Variants in HK1 observed in about 807,000 individuals in gnomAD.
The protein encoded by HK1 is hexokinase 1, also known as hexokinase-1.
A neutral mutation model predicts 91.6 loss-of-function variants in HK1; 28 were observed. That is an observed-to-expected ratio of 0.31 (90% CI 0.23 to 0.42). The LOEUF (loss-of-function observed/expected upper bound fraction) is 0.42. Among genes scored for constraint, HK1 ranks in the 10% least tolerant of loss-of-function variants. The probability of loss-of-function intolerance (pLI) is 1.00; values close to 1 mark genes in which losing one functional copy is unlikely to be tolerated. For missense variants in HK1, 770 were observed against 1,219.8 expected, an observed-to-expected ratio of 0.63 and a Z score of 5.49; for synonymous variants, 430 against 468.1, an observed-to-expected ratio of 0.92 and a Z score of 1.05.
intron 4 of HK1, 148 bp downstream of exon 4, chr10:69,365,050 G>A: frequency 2.4e-6 from 2 of 826,244 alleles, no homozygotes; most frequent in Non-Finnish European, 2.0e-6. Context: ...AGTTAGTGTG[G>A]TATCATGATA....
At chr10:69,271,251 TG>T (rs1844145676) in intron 1 of HK1, among the ~76,000 whole-genome samples, 1 of 152,184 alleles carries the variant, frequency 6.6e-6, no homozygotes, top group African/African-American at 2.4e-5. Flanking sequence ...TGTGTGTGCA[TG>T]TACCATGTAC....
At chr10:69,384,312 T>G (rs1298545101) in intron 10 of HK1, 21 bp from the exon 11 acceptor site, 1 of 1,614,122 alleles carries the variant, frequency 6.2e-7, no homozygotes, top group Non-Finnish European at 8.5e-7. Context: ...TTGACATTCT[T>G]TACGCTTTTG....
intron 7 of HK1, among the ~76,000 whole-genome samples, chr10:69,375,066 T>G (rs2132844942): frequency 6.6e-6 from 1 of 152,300 alleles, no homozygotes; most frequent in East Asian, 1.9e-4. Context: ...TTGCCACTTG[T>G]TAGCCCTGTC....
At chr10:69,331,126 C>A (rs1053044991) in intron 1 of HK1, among the ~76,000 whole-genome samples, 10 of 152,160 alleles carry the variant, frequency 6.6e-5, no homozygotes, top group Admixed American at 1.3e-4. Context: ...GTGATCTGCC[C>A]GCCTCGGCCT....
Position 69,334,860 on chromosome 10 carries a change from G to A in HK1, c.64-8967G>A, listed in dbSNP as rs551327736. Among the ~76,000 whole-genome samples, 6 of 152,340 alleles carry A rather than the reference G, an allele frequency of 3.9e-5. No homozygotes were observed. In the East Asian group the frequency reaches 9.6e-4, roughly 24 times the overall value. Reference sequence around the variant, plus strand: ...ACATAGTGAACACCTAAGGCCGAGGGGATGCTGAGGAGAGGAGTGGACGGT... The same window carrying A: ...ACATAGTGAACACCTAAGGCCGAGGAGATGCTGAGGAGAGGAGTGGACGGT... On this transcript the variant is annotated intron_variant, in intron 1 of 17. Coordinates refer to ENST00000359426, the MANE Select transcript of HK1 (RefSeq NM_000188.3).
chr10:69,318,262 AG>A (rs1681850827), upstream of HK1: 1 of 981,126 alleles, frequency 1.0e-6, no homozygotes, highest in South Asian at 4.7e-5. Flanking sequence ...GGCCTGGGTG[AG>A]GAAGGCGCGG....
At position 69,362,434 on chromosome 10, in the gene HK1, GTT is replaced by G. The variant is rs34834335; in HGVS notation, c.376-2333_376-2332del. 4.1e-3 allele frequency among the ~76,000 whole-genome samples: 551 copies of G among 135,456 alleles called. 2 individuals carry two copies. The highest frequency in any genetic ancestry group is 0.013 in the African/African-American group (504 of 38,358). The allele number at this position is 135,456 out of a possible 152,430, so 88.9% of individuals were successfully genotyped here. A position where few individuals can be genotyped will look rare whatever the true frequency, so the allele number is the denominator to read the frequency against. ...TTGTCAGGCAAGAAGAGAAAATAAT[GTT>G]TTTTTTTTTTTTTTTAAGACACTAA... On this transcript the variant is annotated intron_variant, in intron 3 of 17. Coordinates refer to ENST00000359426, the MANE Select transcript of HK1 (RefSeq NM_000188.3).
upstream of HK1, among the ~76,000 whole-genome samples, chr10:69,314,634 T>TCTTTC (rs1846545648): frequency 6.6e-6 from 1 of 151,864 alleles, no homozygotes; most frequent in African/African-American, 2.4e-5. Flanking sequence ...TTCTTTTTCT[T>TCTTTC]CTTTCCTTTT....
chr10:69,395,503 A>C (rs1286606793), intron 16 of HK1, among the ~76,000 whole-genome samples: 3 of 152,184 alleles, frequency 2.0e-5, no homozygotes, highest in Admixed American at 2.0e-4. Flanking sequence ...ACTTGAACCC[A>C]GGAGGTGGAG....
At chr10:69,271,782 A>G (rs900438608) in intron 1 of HK1, among the ~76,000 whole-genome samples, 1 of 151,948 alleles carries the variant, frequency 6.6e-6, no homozygotes, top group Admixed American at 6.6e-5. Flanking sequence ...CGGCCTGACA[A>G]TTTTGAAGTC....
At chr10:69,298,175 C>T (rs1247357678) in intron 4 of HK1, among the ~76,000 whole-genome samples, 1 of 151,446 alleles carries the variant, frequency 6.6e-6, no homozygotes, top group Non-Finnish European at 1.5e-5. Flanking sequence ...CATGCCATTG[C>T]ACTCCAGCCT....
Position 69,288,747 on chromosome 10 carries a change from G to A in HK1, c.-138G>A, listed in dbSNP as rs766565453. 1.1e-5 allele frequency: 18 copies of A among 1,613,786 alleles called. No homozygotes were observed. The highest frequency in any genetic ancestry group is 1.6e-4 in the Middle Eastern group (1 of 6,062). On this transcript the variant is annotated 5_prime_UTR_variant, in exon 3 of 22. Coordinates refer to the HK1 transcript ENST00000360289. ...GTCAGCAAGTGCCCTCCCCACAATGGGGCAGATCTGCCAGCGAGAATCGGT... is the reference window on the plus strand; with the variant it reads ...GTCAGCAAGTGCCCTCCCCACAATGAGGCAGATCTGCCAGCGAGAATCGGT...
chr10:69,353,079 G>A (rs2132725820), intron 2 of HK1, among the ~76,000 whole-genome samples: 2 of 152,192 alleles, frequency 1.3e-5, no homozygotes, highest in African/African-American at 4.8e-5. Context: ...GGAATTTCTT[G>A]GGTGATAGGA....
At position 69,380,087 on chromosome 10, in the gene HK1, G is replaced by T; in HGVS notation, c.1257G>T (p.Thr419=). Reference sequence around the variant, plus strand: ...GTGTCGACGGATCTCTTTACAAGACGCACCCACAGTGAGTCTGCCCTTTGC... The same window carrying T: ...GTGTCGACGGATCTCTTTACAAGACTCACCCACAGTGAGTCTGCCCTTTGC... ...TVGVDGSLYK[T]HPQYSRRFHK... Residue 419 remains threonine, a synonymous_variant, in exon 9 of 18, where the codon ACG becomes ACT. Transcript: ENST00000359426. The surrounding 1 kb of genome is among the most constrained non-coding windows in gnomAD (Gnocchi z 4.0). 1 of 1,611,176 alleles carries T rather than the reference G, an allele frequency of 6.2e-7. No individual in the cohort carries two copies. The highest frequency in any genetic ancestry group is 8.5e-7 in the Non-Finnish European group (1 of 1,177,310).
At chr10:69,367,125 G>A (rs770099524) in intron 4 of HK1, among the ~76,000 whole-genome samples, 4 of 152,196 alleles carry the variant, frequency 2.6e-5, no homozygotes, top group Admixed American at 6.5e-5. Context: ...AGCCTGCAGG[G>A]TGGAGCAGAC....
intron 1 of HK1, among the ~76,000 whole-genome samples, chr10:69,330,255 T>G (rs1289723457): frequency 2.6e-5 from 4 of 152,230 alleles, no homozygotes; most frequent in Non-Finnish European, 5.9e-5. Flanking sequence ...CCCAGGCTAC[T>G]GCTGTGATAA....
At chr10:69,285,381 G>A (rs1247629925) in intron 2 of HK1, among the ~76,000 whole-genome samples, 1 of 152,030 alleles carries the variant, frequency 6.6e-6, no homozygotes, top group Non-Finnish European at 1.5e-5. Context: ...CCGAGATTGC[G>A]CCACTGCACT....
At chr10:69,353,323 T>A (rs764765512) in intron 2 of HK1, among the ~76,000 whole-genome samples, 1 of 152,246 alleles carries the variant, frequency 6.6e-6, no homozygotes, top group Non-Finnish European at 1.5e-5. Context: ...GTATGATGGC[T>A]CACGCCTGTA....
intron 1 of HK1, among the ~76,000 whole-genome samples, chr10:69,271,731 C>T (rs1287246232): frequency 6.6e-6 from 1 of 152,230 alleles, no homozygotes; most frequent in East Asian, 1.9e-4. Context: ...CCCTCCTTGG[C>T]CTCCCAAAAT....
Sources: allele counts gnomAD v4.1 joint callset (sites outside exome capture counted in the v4.1 genomes callset), GRCh38; gene constraint gnomAD v4.1.1; non-coding constraint Gnocchi (gnomAD v3.1); transcripts MANE v1.5; gene names NCBI Gene and HGNC (gene_info 2026-07-23, HGNC 2026-07-21).